The following SUPT6H variants were observed in gnomAD, a reference collection of about 807,000 sequenced individuals.
SUPT6H encodes the protein SPT6 homolog, histone chaperone and transcription elongation factor, also known as transcription elongation factor SPT6.
Under a neutral mutation model 222.3 loss-of-function variants are expected in SUPT6H, and 11 were observed. That is an observed-to-expected ratio of 0.05 (90% CI 0.03 to 0.08). The LOEUF is 0.08. Among genes scored for constraint, SUPT6H ranks in the 10% least tolerant of loss-of-function variants. The probability of loss-of-function intolerance (pLI) is 1.00; values close to 1 mark genes in which losing one functional copy is unlikely to be tolerated. For missense variants in SUPT6H, 1,422 were observed against 2,216.0 expected, an observed-to-expected ratio of 0.64 and a Z score of 7.19; for synonymous variants, 762 against 801.2, an observed-to-expected ratio of 0.95 and a Z score of 0.83.
intron 5 of SUPT6H, 82 bp downstream of exon 5, chr17:28,675,244 C>T: frequency 6.6e-7 from 1 of 1,508,458 alleles, no homozygotes; most frequent in South Asian, 1.3e-5. Context: ...GGAAACCATT[C>T]TTTAGCTACA....
chr17:28,679,885 G>A (rs974471139), intron 11 of SUPT6H, among the ~76,000 whole-genome samples: 1 of 149,432 alleles, frequency 6.7e-6, no homozygotes, highest in African/African-American at 2.5e-5. Flanking sequence ...AGCTACTCGG[G>A]AGGCTGAGGC....
Position 28,684,515 on chromosome 17 carries a change from T to C in SUPT6H, c.2230-71T>C, listed in dbSNP as rs1163999686. On this transcript the variant is annotated intron_variant, in intron 17 of 36. Transcript: ENST00000314616. ...ACATGTGTGTATGAGTGTGTTTCCATAGCACTCTTGGTGAGCCTGATGACC... is the reference window on the plus strand; with the variant it reads ...ACATGTGTGTATGAGTGTGTTTCCACAGCACTCTTGGTGAGCCTGATGACC... The C allele has an allele frequency of 1.9e-6, 3 of 1,584,946 alleles. No homozygotes were observed. The Admixed American group carries it at 5.1e-5, about 27-fold the overall frequency.
chr17:28,687,038 G>A (rs200051097), intron 21 of SUPT6H, 50 bp from the exon 22 acceptor site: 1 of 1,599,578 alleles, frequency 6.3e-7, no homozygotes, highest in Non-Finnish European at 8.5e-7. Context: ...TCCTCTTGAT[G>A]TTGTAGCTAA....
chr17:28,686,856 T>A, intron 21 of SUPT6H, 67 bp downstream of exon 21: 1 of 1,527,754 alleles, frequency 6.5e-7, no homozygotes, highest in South Asian at 1.3e-5. Flanking sequence ...GAGATTAAAT[T>A]GGGAAACAAA....
intron 6 of SUPT6H, 115 bp downstream of exon 6, chr17:28,675,600 C>A: frequency 9.4e-7 from 1 of 1,063,728 alleles, no homozygotes; most frequent in Non-Finnish European, 1.4e-6. Context: ...AGCCATTTTG[C>A]TTCCCTGCCT....
intron 28 of SUPT6H, chr17:28,695,150 A>G: frequency 1.8e-6 from 1 of 554,680 alleles, no homozygotes; most frequent in South Asian, 2.3e-5. Context: ...GAGTGGAGGC[A>G]TTAGTGCAGG....
At position 28,678,647 on chromosome 17, in the gene SUPT6H, C is replaced by G. The variant is rs1297963017; in HGVS notation, c.1206+13C>G. ...GTGGGATGAAAAGGTAATGTAGATCCGTGGCCCCCAAGAGGTGTGGGCCAG... is the reference window on the plus strand; with the variant it reads ...GTGGGATGAAAAGGTAATGTAGATCGGTGGCCCCCAAGAGGTGTGGGCCAG... On this transcript the variant is annotated intron_variant, in intron 10 of 36. Transcript: ENST00000314616. The G allele has an allele frequency of 1.9e-6, 3 of 1,613,430 alleles. No individual in the cohort carries two copies. The highest frequency in any genetic ancestry group is 2.5e-6 in the Non-Finnish European group (3 of 1,179,800).
At chr17:28,684,051 A>G (rs1010094429) in intron 17 of SUPT6H, among the ~76,000 whole-genome samples, 1 of 152,108 alleles carries the variant, frequency 6.6e-6, no homozygotes, top group African/African-American at 2.4e-5. Context: ...GTATAAAATA[A>G]CATGGTTTTA....
chr17:28,676,424 G>A lies in SUPT6H; in HGVS notation c.891G>A (p.Arg297=). ...NEIRATDLPE[R]FQLRSIPVKG... ...TCCGAGCCACTGACCTGCCTGAGAG[G>A]TTCCAGGTAAAAAACCACCAGCCTC... Residue 297 remains arginine, a synonymous_variant, in exon 7 of 37, where the codon AGG becomes AGA. Coordinates refer to ENST00000314616, the MANE Select transcript of SUPT6H (RefSeq NM_003170.5). 6.2e-7 allele frequency: 1 copy of A among 1,613,712 alleles called. No individual in the cohort carries two copies. The highest frequency in any genetic ancestry group is 1.1e-5 in the South Asian group (1 of 91,064).
intron 1 of SUPT6H, among the ~76,000 whole-genome samples, chr17:28,667,019 T>C (rs1034767069): frequency 6.6e-6 from 1 of 151,978 alleles, no homozygotes; most frequent in African/African-American, 2.4e-5. Context: ...TATTAAACTT[T>C]TAGGTTTTGA....
intron 32 of SUPT6H, among the ~76,000 whole-genome samples, chr17:28,698,878 G>C (rs1324173701): frequency 6.6e-6 from 1 of 152,184 alleles, no homozygotes; most frequent in East Asian, 1.9e-4. Flanking sequence ...TGTGCTTCCA[G>C]AGGCCAGCAG....
Position 28,688,450 on chromosome 17 carries a change from A to T in SUPT6H, c.3134+232A>T. 1 of 354,666 alleles carries T rather than the reference A, an allele frequency of 2.8e-6. No individual in the cohort carries two copies. Among genetic ancestry groups the T allele is most frequent in the Non-Finnish European group, 4.9e-6 (1 of 205,682 alleles). 22.0% of individuals were successfully genotyped at this position (354,666 alleles called of 1,614,324 possible). On this transcript the variant is annotated intron_variant, in intron 24 of 36. Transcript: ENST00000314616. This position sits in a 1 kb window ranked among gnomAD's most constrained non-coding sequence, Gnocchi z 4.3. Reference sequence around the variant, plus strand: ...AACATAAAAAGTACCAGCTTAGCTTATAAATTAAGCATGGAAAACACAAGA... The same window carrying T: ...AACATAAAAAGTACCAGCTTAGCTTTTAAATTAAGCATGGAAAACACAAGA...
intron 1 of SUPT6H, among the ~76,000 whole-genome samples, chr17:28,666,545 G>A (rs550633619): frequency 1.3e-5 from 2 of 151,578 alleles, no homozygotes; most frequent in East Asian, 3.9e-4. Context: ...GAAAGAAAAG[G>A]AATACTTTTT....
At chr17:28,670,038 T>G (rs2030323314) in intron 1 of SUPT6H, 2 of 152,242 alleles carry the variant, frequency 1.3e-5, no homozygotes, top group Admixed American at 1.3e-4. Context: ...GTTTTTGCAT[T>G]CAGTCTGTTG....
At position 28,681,238 on chromosome 17, in the gene SUPT6H, ATG is replaced by A. The variant is rs1451300033; in HGVS notation, c.1350-16_1350-15del. Reference sequence around the variant, plus strand: ...TTTCTGCAGTGATGACTGAAACCTTATGTCTCTTCTTTTTCAGGCTCAAGGAT... The same window carrying A: ...TTTCTGCAGTGATGACTGAAACCTTATCTCTTCTTTTTCAGGCTCAAGGAT... On this transcript the variant is annotated splice_polypyrimidine_tract_variant and intron_variant, in intron 11 of 36. Coordinates refer to ENST00000314616, the MANE Select transcript of SUPT6H (RefSeq NM_003170.5). 2 of 1,613,054 alleles carry A rather than the reference ATG, an allele frequency of 1.2e-6. No individual in the cohort carries two copies. Among genetic ancestry groups the A allele is most frequent in the Non-Finnish European group, 1.7e-6 (2 of 1,179,818 alleles).
At chr17:28,681,102 A>G in intron 11 of SUPT6H, 154 bp from the exon 12 acceptor site, 2 of 760,170 alleles carry the variant, frequency 2.6e-6, no homozygotes, top group South Asian at 1.8e-5. Flanking sequence ...CTGTCTCAGA[A>G]AAATAATAAC....
At chr17:28,675,911 C>T (rs2030719944) in intron 6 of SUPT6H, among the ~76,000 whole-genome samples, 4 of 152,194 alleles carry the variant, frequency 2.6e-5, no homozygotes, top group African/African-American at 9.7e-5. Context: ...GACCCGTCTG[C>T]TCTGTTGCTA....
intron 4 of SUPT6H, 40 bp from the exon 5 acceptor site, chr17:28,674,930 A>G (rs1442123815): frequency 3.1e-6 from 5 of 1,598,308 alleles, no homozygotes; most frequent in African/African-American, 2.7e-5. Context: ...CGTATGCCAG[A>G]CTCCTCAGAT....
At chr17:28,682,502 C>A (rs549392751) in intron 13 of SUPT6H, among the ~76,000 whole-genome samples, 1 of 152,150 alleles carries the variant, frequency 6.6e-6, no homozygotes, top group African/African-American at 2.4e-5. Context: ...CACCTGTAGT[C>A]CCAGCTACTC....
Sources: allele counts gnomAD v4.1 joint callset (sites outside exome capture counted in the v4.1 genomes callset), GRCh38; gene constraint gnomAD v4.1.1; non-coding constraint Gnocchi (gnomAD v3.1); transcripts MANE v1.5; gene names NCBI Gene and HGNC (gene_info 2026-07-23, HGNC 2026-07-21).